RRM2: variants seen among roughly 807,000 people sequenced by gnomAD.
RRM2 encodes the protein ribonucleoside-diphosphate reductase subunit M2.
RRM2 carries 6 observed loss-of-function variants against 45.9 expected under a neutral mutation model. The ratio of observed to expected loss-of-function variants is 0.13; its 90% CI spans 0.07 to 0.26. The LOEUF (loss-of-function observed/expected upper bound fraction) is 0.26, where lower values mean the gene tolerates loss of function less well. Among genes scored for constraint, RRM2 ranks in the 10% least tolerant of loss-of-function variants. RRM2 has a pLI of 1.00. For synonymous variants in RRM2, 177 were observed against 173.0 expected, an observed-to-expected ratio of 1.02 and a Z score of -0.18; for missense variants, 343 against 489.5, an observed-to-expected ratio of 0.70 and a Z score of 2.82.
At chr2:10,174,868 GTT>G in intron 3 of RRM2, among the ~76,000 whole-genome samples, 1 of 94,272 alleles carries the variant, frequency 1.1e-5, no homozygotes. Flanking sequence ...CTCAAAAATG[GTT>G]AAAAAAAAAA....
intron 3 of RRM2, 77 bp downstream of exon 3, chr2:10,123,607 T>C (rs898194321): frequency 3.2e-6 from 5 of 1,551,474 alleles, no homozygotes; most frequent in East Asian, 4.5e-5. Context: ...GAGGTTCCCG[T>C]TGGCAAGGGG....
At chr2:10,167,175 A>G (rs1663700270) in intron 3 of RRM2, among the ~76,000 whole-genome samples, 1 of 152,096 alleles carries the variant, frequency 6.6e-6, no homozygotes, top group Non-Finnish European at 1.5e-5. Flanking sequence ...TGACTGTTTT[A>G]TCTGCCTTGG....
intron 3 of RRM2, among the ~76,000 whole-genome samples, chr2:10,200,945 AAGAC>A (rs1173539614): frequency 6.6e-6 from 1 of 152,186 alleles, no homozygotes; most frequent in Non-Finnish European, 1.5e-5. Context: ...TCAGGAGTTC[AAGAC>A]CAGCCTAGCC....
At chr2:10,194,370 T>C (rs994288754) in intron 3 of RRM2, among the ~76,000 whole-genome samples, 3 of 152,190 alleles carry the variant, frequency 2.0e-5, no homozygotes, top group Non-Finnish European at 4.4e-5. Context: ...GGTAAGGCCT[T>C]GGTCCTGCCG....
At chr2:10,128,366 G>A (rs1225145503) in intron 7 of RRM2, among the ~76,000 whole-genome samples, 2 of 152,244 alleles carry the variant, frequency 1.3e-5, no homozygotes, top group East Asian at 3.8e-4. Flanking sequence ...CCTTGTAGGA[G>A]GGCCTTCCTT....
intron 3 of RRM2, among the ~76,000 whole-genome samples, chr2:10,202,629 T>C (rs1296499657): frequency 6.6e-6 from 1 of 151,358 alleles, no homozygotes; most frequent in African/African-American, 2.4e-5. Flanking sequence ...TTATCTCAGG[T>C]TGGCATGTTT....
rs1488329755 is a variant in RRM2, at chr2:10,205,648, A to G, written n.483-4663A>G. 6.6e-6 allele frequency among the ~76,000 whole-genome samples: 1 copy of G among 152,118 alleles called. No homozygotes were observed. The highest frequency in any genetic ancestry group is 1.5e-5 in the Non-Finnish European group (1 of 68,012). ...TTATGGCAGAGATGCTGGATGGAAA[A>G]CAAACACACAGTTTGAGAGGGTCCT... On this transcript the variant is annotated intron_variant and non_coding_transcript_variant, in intron 3 of 3. Coordinates refer to the RRM2 transcript ENST00000381786. The surrounding 1 kb of genome is among the most constrained non-coding windows in gnomAD (Gnocchi z 4.8).
intron 3 of RRM2, among the ~76,000 whole-genome samples, chr2:10,160,985 C>T (rs967276472): frequency 2.0e-5 from 3 of 152,350 alleles, no homozygotes; most frequent in South Asian, 2.1e-4. Flanking sequence ...TCCGTCCTTC[C>T]GAGCCTCCCT....
Position 10,123,503 on chromosome 2 carries a change from A to G in RRM2, c.291A>G (p.Ala97=). Residue 97 remains alanine, a synonymous_variant, in exon 3 of 10, where the codon GCA becomes GCG. Coordinates refer to ENST00000304567, the MANE Select transcript of RRM2 (RefSeq NM_001034.4). Reference sequence around the variant, plus strand: ...ATATCTGGCAGATGTATAAGAAGGCAGAGGCTTCCTTTTGGACCGCCGAGG... The same window carrying G: ...ATATCTGGCAGATGTATAAGAAGGCGGAGGCTTCCTTTTGGACCGCCGAGG... ...YHDIWQMYKK[A]EASFWTAEEV... is the part of the protein sequence containing the mutation. 1 of 1,613,894 alleles carries G rather than the reference A, an allele frequency of 6.2e-7. No individual in the cohort carries two copies. Among genetic ancestry groups the G allele is most frequent in the South Asian group, 1.1e-5 (1 of 91,078 alleles).
At position 10,205,126 on chromosome 2, in the gene RRM2, C is replaced by T. The variant is rs370965007; in HGVS notation, n.483-5185C>T. On this transcript the variant is annotated intron_variant and non_coding_transcript_variant, in intron 3 of 3. Transcript: ENST00000381786. This position sits in a 1 kb window ranked among gnomAD's most constrained non-coding sequence, Gnocchi z 4.8. Reference sequence around the variant, plus strand: ...GTCTCTTCAGAATCTGTCTGCTTCACCCTGAATCTTGTCTATTGTCCTGGC... The same window carrying T: ...GTCTCTTCAGAATCTGTCTGCTTCATCCTGAATCTTGTCTATTGTCCTGGC... 1.8e-4 allele frequency among the ~76,000 whole-genome samples: 28 copies of T among 152,346 alleles called. 2 individuals carry two copies. Among genetic ancestry groups the T allele is most frequent in the Admixed American group, 1.2e-3 (18 of 15,300 alleles).
chr2:10,135,957 A>G (rs774076643), downstream of RRM2, among the ~76,000 whole-genome samples: 1 of 151,584 alleles, frequency 6.6e-6, no homozygotes, highest in African/African-American at 2.4e-5. Context: ...TCTCTTAGTC[A>G]TGTGTTTTTT....
intron 3 of RRM2, among the ~76,000 whole-genome samples, chr2:10,206,448 T>C (rs1383493095): frequency 2.6e-5 from 4 of 152,110 alleles, no homozygotes; most frequent in African/African-American, 9.7e-5. Context: ...ATGGAATGTA[T>C]AGCTTGGATA....
At position 10,130,776 on chromosome 2, in the gene RRM2, T is replaced by C. The variant is rs1479697743; in HGVS notation, c.*1390T>C. 1 of 152,094 alleles carries C rather than the reference T, an allele frequency of 6.6e-6. No individual in the cohort carries two copies. Among genetic ancestry groups the C allele is most frequent in the Non-Finnish European group, 1.5e-5 (1 of 68,028 alleles). 9.4% of individuals were successfully genotyped at this position (152,094 alleles called of 1,614,324 possible). A position where few individuals can be genotyped will look rare whatever the true frequency, so the allele number is the denominator to read the frequency against. On this transcript the variant is annotated 3_prime_UTR_variant, in exon 10 of 10. Transcript: ENST00000304567. ...TCCCTAGTAGCTGGGACTGCAGGTA[T>C]GTGCTACCACACCTGGCTAATTTTT...
upstream of RRM2, among the ~76,000 whole-genome samples, chr2:10,140,240 C>A (rs1663056217): frequency 6.6e-6 from 1 of 152,086 alleles, no homozygotes; most frequent in East Asian, 1.9e-4. Flanking sequence ...GAGCAAGACT[C>A]TGTCTCTAAA....
intron 2 of RRM2, 30 bp from the exon 3 acceptor site, chr2:10,123,357 A>G (rs368733573): frequency 1.3e-5 from 20 of 1,587,348 alleles, no homozygotes; most frequent in Admixed American, 5.7e-5. Context: ...TTCGCCCGGT[A>G]CTTAAATGTT....
intron 3 of RRM2, among the ~76,000 whole-genome samples, chr2:10,209,435 C>G (rs1664719773): frequency 6.6e-6 from 1 of 152,170 alleles, no homozygotes; most frequent in African/African-American, 2.4e-5. Context: ...CATGTTGCTT[C>G]CTGTGGAGTA....
intron 3 of RRM2, among the ~76,000 whole-genome samples, chr2:10,208,823 C>T (rs1305035202): frequency 6.6e-6 from 1 of 152,066 alleles, no homozygotes; most frequent in Non-Finnish European, 1.5e-5. Context: ...CCACCCAGTG[C>T]CAAGCCAGAC....
intron 3 of RRM2, among the ~76,000 whole-genome samples, chr2:10,179,453 ACAT>A (rs1303573400): frequency 2.0e-5 from 3 of 152,200 alleles, no homozygotes; most frequent in African/African-American, 7.2e-5. Flanking sequence ...ACCTGGCCTG[ACAT>A]TCACCCTTAA....
rs774043368 is a variant in RRM2 at position 10,122,978 on chromosome 2, C to T, written c.100-5C>T. On this transcript the variant is annotated splice_region_variant and splice_polypyrimidine_tract_variant and intron_variant, in intron 1 of 9. Coordinates refer to ENST00000304567, the MANE Select transcript of RRM2 (RefSeq NM_001034.4). ...CGCTCCTCACTCACACGCGTCTCCC[C>T]GCAGCCGCCGGCCCTGAGCGGGACC... 1.4e-4 allele frequency: 224 copies of T among 1,550,940 alleles called. No homozygotes were observed. Among genetic ancestry groups the T allele is most frequent in the Non-Finnish European group, 1.8e-4 (210 of 1,153,508 alleles).
Sources: gnomAD v4.1 joint callset for allele counts (sites outside exome capture counted in the v4.1 genomes callset) on GRCh38, gnomAD v4.1.1 for gene constraint, Gnocchi (gnomAD v3.1) non-coding constraint, MANE v1.5 for transcripts, NCBI Gene and HGNC (gene_info 2026-07-23, HGNC 2026-07-21) for gene names.